The following DYSF variants were observed in gnomAD, a reference collection of about 807,000 sequenced individuals.
DYSF encodes the protein dystrophy-associated fer-1-like 1.
A neutral mutation model predicts 274.9 loss-of-function variants in DYSF; 212 were observed. That is an observed-to-expected ratio of 0.77 (90% CI 0.69 to 0.86). The LOEUF (loss-of-function observed/expected upper bound fraction) is 0.86, where lower values mean the gene tolerates loss of function less well. Among genes scored for constraint, DYSF ranks in the 40% least tolerant of loss-of-function variants. The pLI, the probability that DYSF is intolerant of heterozygous loss-of-function variation, is 0.00. For synonymous variants in DYSF, 1,091 were observed against 1,078.7 expected, an observed-to-expected ratio of 1.01 and a Z score of -0.22; for missense variants, 2,666 against 2,783.2, an observed-to-expected ratio of 0.96 and a Z score of 0.95.
At chr2:71,634,209 G>C (rs941509655) in intron 41 of DYSF, among the ~76,000 whole-genome samples, 4 of 152,206 alleles carry the variant, frequency 2.6e-5, no homozygotes, top group African/African-American at 9.7e-5. Flanking sequence ...TCTTGTTAAA[G>C]CCTAAGGTGA....
At chr2:71,656,032 C>T (rs1045375552) in intron 42 of DYSF, 130 bp from the exon 43 acceptor site, 6 of 1,238,862 alleles carry the variant, frequency 4.8e-6, no homozygotes, top group African/African-American at 4.5e-5. Context: ...TTCTTCTTCT[C>T]TCTTCCTTCT....
At chr2:71,582,485 GA>G (rs1408582562) in intron 30 of DYSF, among the ~76,000 whole-genome samples, 1 of 152,138 alleles carries the variant, frequency 6.6e-6, no homozygotes, top group African/African-American at 2.4e-5. Flanking sequence ...TGAATATTGT[GA>G]AAAATTTTAT....
rs762970438 is a variant in DYSF at position 71,664,335 on chromosome 2, C to T, written c.5071C>T (p.Leu1691Phe). Residue 1691 changes from leucine to phenylalanine, a missense_variant, in exon 46 of 56, where the codon CTC becomes TTC. By Grantham distance (22) the Leu-to-Phe change is conservative. This residue lies in a region of DYSF where 1,460 missense variants were observed against 1,502.1 expected (regional missense o/e 0.97). Transcript: ENST00000410020. ...AAAGATCACTCTCTATGACTATGAC[C>T]TCCTCTCCAAGGACGAAAAGATCGG... ...DLKITLYDYDLLSKDEKIGET... is the reference protein window; with the variant it reads ...DLKITLYDYDFLSKDEKIGET... The T allele has an allele frequency of 6.2e-7, 1 of 1,614,198 alleles. No homozygotes were observed. Among genetic ancestry groups the T allele is most frequent in the Non-Finnish European group, 8.5e-7 (1 of 1,180,034 alleles).
exon 1 of DYSF, chr2:71,453,702 G>T (rs1162786395): frequency 4.2e-6 from 2 of 474,576 alleles, no homozygotes; most frequent in Non-Finnish European, 7.8e-6. Context: ...CAGCTCGACG[G>T]AGCTCGGGAA....
chr2:71,637,706 T>G (rs893212830), intron 41 of DYSF, among the ~76,000 whole-genome samples: 1 of 152,076 alleles, frequency 6.6e-6, no homozygotes, highest in Non-Finnish European at 1.5e-5. Flanking sequence ...CAGGTGGCAC[T>G]GGCCAGAAGT....
At chr2:71,521,155 C>T (rs1378289764) in intron 12 of DYSF, among the ~76,000 whole-genome samples, 1 of 152,134 alleles carries the variant, frequency 6.6e-6, no homozygotes, top group Non-Finnish European at 1.5e-5. Flanking sequence ...TTGCACATCC[C>T]TCTGGAAGGA....
At chr2:71,585,589 T>C (rs558892334) in intron 30 of DYSF, among the ~76,000 whole-genome samples, 2 of 152,226 alleles carry the variant, frequency 1.3e-5, no homozygotes, top group African/African-American at 2.4e-5. Flanking sequence ...TACTTCAAAA[T>C]CAAGAAGGCA....
chr2:71,480,554 T>C (rs562065429), intron 1 of DYSF, among the ~76,000 whole-genome samples: 16 of 151,844 alleles, frequency 1.1e-4, no homozygotes, highest in African/African-American at 3.9e-4. Flanking sequence ...ATGCTGTCTC[T>C]AAAAAAAATA....
intron 36 of DYSF, among the ~76,000 whole-genome samples, chr2:71,609,328 A>G (rs1319983944): frequency 6.6e-6 from 1 of 152,204 alleles, no homozygotes; most frequent in African/African-American, 2.4e-5. Context: ...GTGGGTCTGG[A>G]GGAAAATGAT....
intron 53 of DYSF, 74 bp from the exon 54 acceptor site, chr2:71,680,927 T>A (rs2095288286): frequency 3.8e-6 from 5 of 1,307,514 alleles, no homozygotes; most frequent in Non-Finnish European, 5.5e-6. Flanking sequence ...CTTATGTTTT[T>A]TCTGGCCTGG....
intron 7 of DYSF, among the ~76,000 whole-genome samples, chr2:71,514,147 T>TAAAAA (rs5832057): frequency 2.4e-5 from 3 of 125,188 alleles, no homozygotes; most frequent in Non-Finnish European, 3.3e-5. Context: ...GTTTTGCGCT[T>TAAAAA]AAAAAAAAAA....
intron 1 of DYSF, among the ~76,000 whole-genome samples, chr2:71,477,292 T>A (rs2082469705): frequency 6.6e-6 from 1 of 152,076 alleles, no homozygotes; most frequent in African/African-American, 2.4e-5. Context: ...GCACAGATGC[T>A]GTGAGTCATG....
intron 3 of DYSF, among the ~76,000 whole-genome samples, chr2:71,496,843 G>A (rs1325265273): frequency 6.6e-6 from 1 of 152,186 alleles, no homozygotes; most frequent in Non-Finnish European, 1.5e-5. Context: ...CAGGTCAAAT[G>A]TATAGACTGG....
Position 71,569,865 on chromosome 2 carries a change from G to A in DYSF, c.2910G>A (p.Glu970=), listed in dbSNP as rs1159084985. 1 of 1,614,172 alleles carries A rather than the reference G, an allele frequency of 6.2e-7. No individual in the cohort carries two copies. Among genetic ancestry groups the A allele is most frequent in the South Asian group, 1.1e-5 (1 of 91,072 alleles). The change falls in exon 27 of 56, where the codon GAG becomes GAA. Residue 970 remains glutamate, a synonymous_variant. Transcript: ENST00000410020. ...MDAGHLSFVE[E]VFENQTRLPG... ...CCGGTCACCTGAGCTTCGTGGAAGAGGTGTTTGAGAACCAGACCCGGCTTC... is the reference window on the plus strand; with the variant it reads ...CCGGTCACCTGAGCTTCGTGGAAGAAGTGTTTGAGAACCAGACCCGGCTTC...
chr2:71,474,613 T>C (rs2082266783), intron 1 of DYSF, among the ~76,000 whole-genome samples: 1 of 152,194 alleles, frequency 6.6e-6, no homozygotes, highest in African/African-American at 2.4e-5. Flanking sequence ...TAGTGAATGT[T>C]TCGTTTCTTT....
At chr2:71,476,271 G>C (rs1342122187) in intron 1 of DYSF, among the ~76,000 whole-genome samples, 1 of 152,108 alleles carries the variant, frequency 6.6e-6, no homozygotes, top group African/African-American at 2.4e-5. Flanking sequence ...GCCTTGGCAG[G>C]CTGGGTGTGG....
rs986913683 is a variant in DYSF at position 71,582,946 on chromosome 2, G to A, written c.3403-6647G>A. On this transcript the variant is annotated intron_variant, in intron 30 of 55. Coordinates refer to ENST00000410020, the MANE Select transcript of DYSF (RefSeq NM_001130987.2). ...TAATCTCAGCACTTTGGGAGGCTGA[G>A]GTGGGAGGATTGCTTGAACCCAGGG... Among the ~76,000 whole-genome samples, 27 of 151,092 alleles carry A rather than the reference G, an allele frequency of 1.8e-4. 1 individual carries two copies. Among genetic ancestry groups the A allele is most frequent in the Non-Finnish European group, 7.4e-5 (5 of 67,850 alleles).
rs149260048 is a variant in DYSF, at chr2:71,502,916, T to C, written c.240-298T>C. Among the ~76,000 whole-genome samples, 349 of 152,174 alleles carry C rather than the reference T, an allele frequency of 2.3e-3. 1 individual carries two copies. The highest frequency in any genetic ancestry group is 3.8e-3 in the Non-Finnish European group (260 of 67,976). On this transcript the variant is annotated intron_variant, in intron 3 of 55. Coordinates refer to ENST00000410020, the MANE Select transcript of DYSF (RefSeq NM_001130987.2). ...TCATGGGAAGACAACCCTTCATCTC[T>C]GGGGAGGCGTGGCTGGGCCTCTGGG...
chr2:71,459,774 G>T (rs564148042), intron 1 of DYSF, among the ~76,000 whole-genome samples: 6 of 152,130 alleles, frequency 3.9e-5, no homozygotes, highest in Non-Finnish European at 8.8e-5. Context: ...TCTCTGGAGG[G>T]CAGAGAGCCA....
Sources: gnomAD v4.1 joint callset for allele counts (sites outside exome capture counted in the v4.1 genomes callset) on GRCh38, gnomAD v4.1.1 for gene constraint, gnomAD v4.1.1 regional missense constraint, MANE v1.5 for transcripts, NCBI Gene and HGNC (gene_info 2026-07-23, HGNC 2026-07-21) for gene names.